The following GRAP2 variants were observed in gnomAD, a reference collection of about 807,000 sequenced individuals.
GRAP2 encodes the protein GRB2-related adapter protein 2.
GRAP2 carries 31 observed loss-of-function variants against 43.5 expected under a neutral mutation model. The ratio of observed to expected loss-of-function variants is 0.71; its 90% CI spans 0.54 to 0.96. The LOEUF (loss-of-function observed/expected upper bound fraction) is 0.96. Among genes scored for constraint, GRAP2 ranks in the 40% least tolerant of loss-of-function variants. The pLI is 0.00. For missense variants in GRAP2, 371 were observed against 424.4 expected (o/e 0.87, Z 1.11); for synonymous variants, 156 against 164.8 (o/e 0.95, Z 0.41).
chr22:39,939,141 A>G (rs1214753755), intron 1 of GRAP2, among the ~76,000 whole-genome samples: 1 of 152,232 alleles, frequency 6.6e-6, no homozygotes, highest in Non-Finnish European at 1.5e-5. Flanking sequence ...GGTATATTTT[A>G]TGTGTCTTTG....
intron 1 of GRAP2, among the ~76,000 whole-genome samples, chr22:39,907,943 G>A (rs1272042919): frequency 6.6e-6 from 1 of 152,150 alleles, no homozygotes; most frequent in Non-Finnish European, 1.5e-5. Context: ...TGTAGGCTGG[G>A]CCCCTTCCAC....
chr22:39,956,404 G>T (rs554058292), intron 3 of GRAP2, among the ~76,000 whole-genome samples: 6 of 151,886 alleles, frequency 4.0e-5, no homozygotes, highest in African/African-American at 1.5e-4. Flanking sequence ...GTGATCTGCC[G>T]CCTCAGCCTC....
At chr22:39,897,589 G>C (rs188616952), upstream of GRAP2, among the ~76,000 whole-genome samples, 2 of 146,100 alleles carry the variant, frequency 1.4e-5, no homozygotes, top group Non-Finnish European at 3.0e-5. Flanking sequence ...GCGCAATCTC[G>C]GCTCACTGCA....
At chr22:39,944,737 C>T (rs1027589607) in intron 1 of GRAP2, among the ~76,000 whole-genome samples, 2 of 152,206 alleles carry the variant, frequency 1.3e-5, no homozygotes, top group Non-Finnish European at 2.9e-5. Context: ...AGTGCCCAAG[C>T]CTGAGCTGAG....
intron 1 of GRAP2, among the ~76,000 whole-genome samples, chr22:39,942,082 C>T (rs1311363964): frequency 6.6e-6 from 1 of 152,180 alleles, no homozygotes; most frequent in Non-Finnish European, 1.5e-5. Context: ...CGATTCACCA[C>T]AGGGTTCCTT....
chr22:39,957,927 C>A (rs1272431730), intron 3 of GRAP2, among the ~76,000 whole-genome samples: 1 of 151,918 alleles, frequency 6.6e-6, no homozygotes, highest in Non-Finnish European at 1.5e-5. Context: ...CAGAGAGAGA[C>A]TCTGTTTCAA....
intron 1 of GRAP2, chr22:39,926,546 G>T: frequency 1.1e-6 from 1 of 924,606 alleles, no homozygotes; most frequent in Non-Finnish European, 1.3e-6. Flanking sequence ...TTGAGCATAA[G>T]GAAGTGGCTA....
chr22:39,894,550 A>G, the GRAP2 span, among the ~76,000 whole-genome samples: 1 of 152,160 alleles, frequency 6.6e-6, no homozygotes, highest in African/African-American at 2.4e-5. Flanking sequence ...ATTTCAACTG[A>G]CTAGAAATAC....
chr22:39,951,459 T>A (rs1298003702), intron 2 of GRAP2, among the ~76,000 whole-genome samples: 1 of 150,776 alleles, frequency 6.6e-6, no homozygotes, highest in Non-Finnish European at 1.5e-5. Context: ...CTTCAATACT[T>A]CAGATTTTTG....
intron 1 of GRAP2, among the ~76,000 whole-genome samples, chr22:39,936,001 A>G (rs1348639827): frequency 6.6e-6 from 1 of 152,220 alleles, no homozygotes; most frequent in Non-Finnish European, 1.5e-5. Context: ...ATCAGTAAAA[A>G]CAAACATTAA....
Position 39,906,257 on chromosome 22 carries a change from A to G in GRAP2, c.-15+4927A>G, listed in dbSNP as rs112424651. Among the ~76,000 whole-genome samples, 61 of 152,314 alleles carry G rather than the reference A, an allele frequency of 4.0e-4. 1 individual carries two copies. Among genetic ancestry groups the G allele is most frequent in the African/African-American group, 1.4e-3 (59 of 41,570 alleles). On this transcript the variant is annotated intron_variant, in intron 1 of 7. Transcript: ENST00000344138. The stretch of plus-strand genomic sequence containing the variant: ...ACCATAAAACGCAAGAGTATAAGCC[A>G]TTGTCAGATTTATAAAAGGCCATGG...
chr22:39,900,948 A>G (rs1341574180), upstream of GRAP2: 3 of 248,928 alleles, frequency 1.2e-5, no homozygotes, highest in Non-Finnish European at 2.4e-5. Flanking sequence ...CCAAGCATAA[A>G]GAAGCAAAAG....
At chr22:39,901,822 C>T (rs1023897284) in intron 1 of GRAP2, among the ~76,000 whole-genome samples, 2 of 152,116 alleles carry the variant, frequency 1.3e-5, no homozygotes, top group African/African-American at 4.8e-5. Flanking sequence ...CATTCCTTTA[C>T]GAAAAGAAAA....
At chr22:39,919,899 T>C (rs2066634813) in intron 1 of GRAP2, among the ~76,000 whole-genome samples, 1 of 152,204 alleles carries the variant, frequency 6.6e-6, no homozygotes, top group Admixed American at 6.5e-5. Flanking sequence ...TTTATTCCTA[T>C]CTAAGGGGAT....
intron 1 of GRAP2, among the ~76,000 whole-genome samples, chr22:39,922,911 A>G (rs2066665216): frequency 6.6e-6 from 1 of 152,136 alleles, no homozygotes; most frequent in Admixed American, 6.5e-5. Context: ...GCATGGCGGC[A>G]TGCGCCTGTA....
In GRAP2 at chr22:39,966,129, T is replaced by G. The variant is rs1447856000; in HGVS notation, c.430T>G (p.Phe144Val). ...TNSISRQKQI[F>V]LRDRTREDQG... ...TTCCATCTCCAGACAGAAGCAGATC[T>G]TCCTTAGAGACAGAACCCGAGAAGA... Residue 144 changes from phenylalanine to valine, a missense_variant, in exon 5 of 8, where the codon TTC (phenylalanine) becomes GTC (valine). Coordinates refer to ENST00000344138, the MANE Select transcript of GRAP2 (RefSeq NM_004810.4). 3.7e-6 allele frequency: 6 copies of G among 1,613,988 alleles called. No individual in the cohort carries two copies. The African/African-American group carries it at 8.0e-5, about 22-fold the overall frequency.
intron 3 of GRAP2, among the ~76,000 whole-genome samples, chr22:39,959,257 T>C (rs763825848): frequency 2.6e-5 from 4 of 152,230 alleles, no homozygotes; most frequent in Non-Finnish European, 4.4e-5. Context: ...ATTTCATACA[T>C]GCCACGCTGT....
At chr22:39,928,045 T>C (rs2066722252) in intron 1 of GRAP2, among the ~76,000 whole-genome samples, 2 of 152,350 alleles carry the variant, frequency 1.3e-5, no homozygotes, top group Middle Eastern at 3.4e-3. Context: ...CCACCCATGT[T>C]CCTGCCTCTT....
chr22:39,943,833 C>A (rs989470338), intron 1 of GRAP2, among the ~76,000 whole-genome samples: 1 of 151,682 alleles, frequency 6.6e-6, no homozygotes, highest in Non-Finnish European at 1.5e-5. Context: ...GATTCTCCTG[C>A]CTCAGCCTCC....
Sources: gnomAD v4.1 joint callset for allele counts (sites outside exome capture counted in the v4.1 genomes callset) on GRCh38, gnomAD v4.1.1 for gene constraint, MANE v1.5 for transcripts, NCBI Gene and HGNC (gene_info 2026-07-23, HGNC 2026-07-21) for gene names.